Variants in WIPF3 observed in about 807,000 individuals in gnomAD.
WIPF3 encodes WAS/WASL interacting protein family member 3.
Under a neutral mutation model 38.9 loss-of-function variants are expected in WIPF3, and 33 were observed. The observed-to-expected ratio is 0.85, with a 90% CI of 0.64 to 1.14. The LOEUF is 1.14. Among genes scored for constraint, WIPF3 ranks in the 50% most tolerant of loss-of-function variants. The pLI is 0.00. For missense variants in WIPF3, 711 were observed against 652.5 expected (o/e 1.09, Z -0.98); for synonymous variants, 324 against 269.3 (o/e 1.20, Z -1.99).
At position 29,863,180 on chromosome 7, in the gene WIPF3, T is replaced by G. The variant is rs372057674; in HGVS notation, c.91-12650T>G. 3.3e-5 allele frequency among the ~76,000 whole-genome samples: 5 copies of G among 152,322 alleles called. No homozygotes were observed. The South Asian group carries it at 1.0e-3, about 32-fold the overall frequency. ...AACTACCACCACCATCAGGACACAG[T>G]GCAATTCCATCACCCCTAAAAACTC... On this transcript the variant is annotated intron_variant, in intron 2 of 8. Coordinates refer to ENST00000242140, the MANE Select transcript of WIPF3 (RefSeq NM_001080529.3).
At chr7:29,879,890 T>C (rs949642863) in intron 4 of WIPF3, among the ~76,000 whole-genome samples, 1 of 152,190 alleles carries the variant, frequency 6.6e-6, no homozygotes, top group Non-Finnish European at 1.5e-5. Context: ...ATTACTAGGA[T>C]GTAACTTGGA....
chr7:29,910,570 G>A (rs1422353627), intron 8 of WIPF3, among the ~76,000 whole-genome samples: 1 of 151,994 alleles, frequency 6.6e-6, no homozygotes, highest in African/African-American at 2.4e-5. Flanking sequence ...TATATACCAT[G>A]ACCAAGTAGG....
intron 1 of WIPF3, among the ~76,000 whole-genome samples, chr7:29,814,466 T>G (rs1013391304): frequency 6.6e-6 from 1 of 152,210 alleles, no homozygotes; most frequent in African/African-American, 2.4e-5. Flanking sequence ...GTCTAACAGA[T>G]AGAAGAAGCT....
intron 2 of WIPF3, among the ~76,000 whole-genome samples, chr7:29,863,757 A>G (rs1170247787): frequency 6.6e-6 from 1 of 152,268 alleles, no homozygotes; most frequent in East Asian, 1.9e-4. Flanking sequence ...GCATTTTTTG[A>G]TTTTAAGAAT....
At chr7:29,879,840 G>A (rs969255871) in intron 4 of WIPF3, among the ~76,000 whole-genome samples, 2 of 152,208 alleles carry the variant, frequency 1.3e-5, no homozygotes, top group African/African-American at 4.8e-5. Flanking sequence ...AGAGAAGACA[G>A]AAGTATAAAT....
At chr7:29,816,897 C>A (rs1784465778) in intron 1 of WIPF3, among the ~76,000 whole-genome samples, 1 of 152,166 alleles carries the variant, frequency 6.6e-6, no homozygotes, top group Non-Finnish European at 1.5e-5. Flanking sequence ...AAGATAAATT[C>A]CTAGAATTGA....
chr7:29,906,630 T>C (rs774714499), intron 8 of WIPF3, among the ~76,000 whole-genome samples: 1 of 152,110 alleles, frequency 6.6e-6, no homozygotes, highest in Admixed American at 6.5e-5. Context: ...GAAGAAATAA[T>C]AGCTCAAAAC....
chr7:29,814,283 T>TC (rs1206537494), intron 1 of WIPF3, among the ~76,000 whole-genome samples: 1 of 151,908 alleles, frequency 6.6e-6, no homozygotes, highest in Non-Finnish European at 1.5e-5. Context: ...CTTCTTTTTT[T>TC]CCCTTCCTTT....
intron 7 of WIPF3, among the ~76,000 whole-genome samples, chr7:29,892,041 A>C (rs1786035181): frequency 6.6e-6 from 1 of 152,180 alleles, no homozygotes; most frequent in African/African-American, 2.4e-5. Context: ...GTCCATATAT[A>C]ACACCCCTTT....
At chr7:29,894,439 T>C (rs1354505291) in intron 7 of WIPF3, among the ~76,000 whole-genome samples, 1 of 152,250 alleles carries the variant, frequency 6.6e-6, no homozygotes, top group African/African-American at 2.4e-5. Context: ...ATTAAGATAC[T>C]GTTTTAGATT....
chr7:29,880,667 C>T (rs1229352047), intron 4 of WIPF3, among the ~76,000 whole-genome samples: 1 of 152,168 alleles, frequency 6.6e-6, no homozygotes, highest in African/African-American at 2.4e-5. Flanking sequence ...GTCTGCTTGT[C>T]ACCAGTGGGA....
chr7:29,834,171 GCCC>G (rs1784763049), intron 1 of WIPF3, among the ~76,000 whole-genome samples: 2 of 152,140 alleles, frequency 1.3e-5, no homozygotes, highest in African/African-American at 4.8e-5. Context: ...AATGACTAGC[GCCC>G]TAAGCCTTGC....
chr7:29,887,454 C>T (rs1785906629), intron 5 of WIPF3, among the ~76,000 whole-genome samples: 1 of 152,158 alleles, frequency 6.6e-6, no homozygotes, highest in Admixed American at 6.5e-5. Flanking sequence ...AGATAGTGAG[C>T]CTCTCAGGCA....
chr7:29,908,781 A>G (rs1200203081), intron 8 of WIPF3, among the ~76,000 whole-genome samples: 2 of 151,940 alleles, frequency 1.3e-5, no homozygotes, highest in Admixed American at 6.6e-5. Context: ...GGTGGTGGGC[A>G]CGTGTAGTCC....
chr7:29,884,358 G>C lies in WIPF3; in HGVS notation c.864G>C (p.Glu288Asp), dbSNP rs373625381. 1 of 1,501,642 alleles carries C rather than the reference G, an allele frequency of 6.7e-7. No individual in the cohort carries two copies. Among genetic ancestry groups the C allele is most frequent in the Non-Finnish European group, 8.9e-7 (1 of 1,122,632 alleles). 93.0% of individuals were successfully genotyped at this position (1,501,642 alleles called of 1,614,324 possible). Residue 288 changes from glutamate to aspartate, a missense_variant, in exon 5 of 9, where the codon GAG becomes GAC. Physicochemically the swap from Glu to Asp is conservative, Grantham distance 45. Transcript: ENST00000242140. ...CCAGCCCTGCGCAAGATGCGCAGGA[G>C]CCTCCCGCCCCGCCGCCCCCGCTCC... ...EPASPAQDAQ[E>D]PPAPPPPLPP... is the part of the protein sequence containing the mutation.
rs1481308948 is a variant in WIPF3, at chr7:29,915,973, C to T, written c.*1457C>T. The T allele has an allele frequency of 1.3e-5, 2 of 152,286 alleles. No homozygotes were observed. The highest frequency in any genetic ancestry group is 6.5e-5 in the Admixed American group (1 of 15,270). 9.4% of individuals were successfully genotyped at this position (152,286 alleles called of 1,614,324 possible). On this transcript the variant is annotated 3_prime_UTR_variant, in exon 9 of 9. Coordinates refer to ENST00000242140, the MANE Select transcript of WIPF3 (RefSeq NM_001080529.3). Reference sequence around the variant, plus strand: ...AGACCAAGCCATCCAGAAAGGCAGCCGGTCAGGAGGGTGTGGGCAAACATG... The same window carrying T: ...AGACCAAGCCATCCAGAAAGGCAGCTGGTCAGGAGGGTGTGGGCAAACATG...
At chr7:29,903,917 C>T (rs1786338470) in intron 7 of WIPF3, among the ~76,000 whole-genome samples, 1 of 152,166 alleles carries the variant, frequency 6.6e-6, no homozygotes, top group African/African-American at 2.4e-5. Flanking sequence ...TTTGGTTCCT[C>T]ATGGATGGGA....
intron 2 of WIPF3, among the ~76,000 whole-genome samples, chr7:29,872,587 A>G (rs1382422657): frequency 6.6e-6 from 1 of 151,934 alleles, no homozygotes; most frequent in Admixed American, 6.6e-5. Flanking sequence ...AGGTCAGGAG[A>G]TCGAGACCAT....
intron 1 of WIPF3, among the ~76,000 whole-genome samples, chr7:29,832,302 G>C (rs1423646526): frequency 6.6e-6 from 1 of 152,200 alleles, no homozygotes; most frequent in African/African-American, 2.4e-5. Context: ...CTGATAATTT[G>C]TGCTTGTTCC....
Sources: allele counts gnomAD v4.1 joint callset (sites outside exome capture counted in the v4.1 genomes callset), GRCh38; gene constraint gnomAD v4.1.1; transcripts MANE v1.5; gene names NCBI Gene and HGNC (gene_info 2026-07-23, HGNC 2026-07-21).